CTNNA3: variants seen among roughly 807,000 people sequenced by gnomAD.
CTNNA3 encodes the protein catenin alpha 3, also known as catenin alpha-3.
In CTNNA3, 76 loss-of-function variants were observed where a neutral mutation model predicts 95.7. The ratio of observed to expected loss-of-function variants is 0.79; its 90% CI spans 0.66 to 0.96. The LOEUF is 0.96. CTNNA3 is among the 40% of genes least tolerant of loss of function. The pLI is 0.00. For missense variants in CTNNA3, 1,191 were observed against 1,089.8 expected, an observed-to-expected ratio of 1.09 and a Z score of -1.31; for synonymous variants, 431 against 374.4, an observed-to-expected ratio of 1.15 and a Z score of -1.74.
chr10:66,691,593 CT>C (rs1291078484), intron 9 of CTNNA3, among the ~76,000 whole-genome samples: 1 of 152,202 alleles, frequency 6.6e-6, no homozygotes. Context: ...TCTCTGACAG[CT>C]CTGAAGAGAG....
intron 9 of CTNNA3, among the ~76,000 whole-genome samples, chr10:66,672,499 G>A (rs1344834805): frequency 8.6e-5 from 13 of 152,044 alleles, no homozygotes; most frequent in Admixed American, 6.6e-4. Context: ...CGAAGTTGAG[G>A]TGCTATCAAT....
At position 67,018,010 on chromosome 10, in the gene CTNNA3, G is replaced by A. The variant is rs1210265077; in HGVS notation, c.1047+162307C>T. Among the ~76,000 whole-genome samples, 10 of 152,088 alleles carry A rather than the reference G, an allele frequency of 6.6e-5. No individual in the cohort carries two copies. The East Asian group carries it at 1.5e-3, about 23-fold the overall frequency. ...TGGTCTCAAACTCCTGACCTCAAGT[G>A]ATCTGCCCACCTTGGCCTCCCAATG... On this transcript the variant is annotated intron_variant, in intron 7 of 17. Transcript: ENST00000433211.
At position 65,995,959 on chromosome 10, in the gene CTNNA3, C is replaced by T. The variant is rs934675976; in HGVS notation, c.2160-7162G>A. Among the ~76,000 whole-genome samples, 6 of 152,078 alleles carry T rather than the reference C, an allele frequency of 3.9e-5. No homozygotes were observed. In the East Asian group the frequency reaches 5.8e-4, roughly 15 times the overall value. ...TGTGCACACAGGTACAGGCTGTGAT[C>T]GGCAGGCCAGGGTGAAACCTAGGCT... On this transcript the variant is annotated intron_variant, in intron 15 of 17. Coordinates refer to ENST00000433211, the MANE Select transcript of CTNNA3 (RefSeq NM_013266.4).
chr10:66,992,624 T>TCCAAGG (rs1249953310), intron 7 of CTNNA3, among the ~76,000 whole-genome samples: 1 of 152,120 alleles, frequency 6.6e-6, no homozygotes, highest in African/African-American at 2.4e-5. Flanking sequence ...TGGATGAAAA[T>TCCAAGG]GTTTTATCCC....
Position 66,905,256 on chromosome 10 carries a change from A to T in CTNNA3, c.1048-129732T>A, listed in dbSNP as rs7918371. 2.0e-5 allele frequency among the ~76,000 whole-genome samples: 3 copies of T among 151,992 alleles called. No homozygotes were observed. In the East Asian group the frequency reaches 5.8e-4, roughly 29 times the overall value. On this transcript the variant is annotated intron_variant, in intron 7 of 17. Coordinates refer to ENST00000433211, the MANE Select transcript of CTNNA3 (RefSeq NM_013266.4). Reference sequence around the variant, plus strand: ...GATGCTGGAAACCATCATTCTCAGCAAACTATCACAAGGACAGAAAACCAA... The same window carrying T: ...GATGCTGGAAACCATCATTCTCAGCTAACTATCACAAGGACAGAAAACCAA...
chr10:66,429,484 G>A (rs1177193155), intron 11 of CTNNA3, among the ~76,000 whole-genome samples: 5 of 152,074 alleles, frequency 3.3e-5, no homozygotes, highest in East Asian at 1.9e-4. Flanking sequence ...CCTGATGAAC[G>A]TCAATGCAAA....
chr10:67,450,762 C>T (rs1846949588), intron 5 of CTNNA3, among the ~76,000 whole-genome samples: 1 of 151,666 alleles, frequency 6.6e-6, no homozygotes, highest in South Asian at 2.1e-4. Context: ...AAAACCTGCA[C>T]ATGTACGCTG....
chr10:67,018,111 A>G (rs188078976), intron 7 of CTNNA3, among the ~76,000 whole-genome samples: 189 of 152,306 alleles, frequency 1.2e-3, no homozygotes, highest in African/African-American at 3.9e-3. Context: ...CTTAAAATAT[A>G]TAAATGTTAA....
At chr10:66,365,767 T>G (rs2132445363) in intron 12 of CTNNA3, among the ~76,000 whole-genome samples, 1 of 117,906 alleles carries the variant, frequency 8.5e-6, no homozygotes, top group East Asian at 2.0e-4. Context: ...GCTCTCTCTC[T>G]CTCTCTCTCT....
At chr10:66,043,940 A>C (rs1156526965) in intron 15 of CTNNA3, among the ~76,000 whole-genome samples, 1 of 150,722 alleles carries the variant, frequency 6.6e-6, no homozygotes. Flanking sequence ...GTGCCTAAAA[A>C]TGTAATAGGA....
At chr10:67,523,357 G>A (rs1229239660) in intron 4 of CTNNA3, among the ~76,000 whole-genome samples, 1 of 152,154 alleles carries the variant, frequency 6.6e-6, no homozygotes, top group African/African-American at 2.4e-5. Context: ...TGCCCACTCA[G>A]CCCCAGGTAC....
chr10:67,702,389 C>T, intron 1 of CTNNA3, among the ~76,000 whole-genome samples: 1 of 152,154 alleles, frequency 6.6e-6, no homozygotes. Flanking sequence ...AAGCTCTCCT[C>T]AGCAAATGTA....
At chr10:65,977,991 C>T (rs2078239608) in intron 16 of CTNNA3, among the ~76,000 whole-genome samples, 1 of 152,050 alleles carries the variant, frequency 6.6e-6, no homozygotes, top group Non-Finnish European at 1.5e-5. Context: ...CTCATTTCTT[C>T]ACCTGTAATG....
intron 1 of CTNNA3, among the ~76,000 whole-genome samples, chr10:67,724,741 C>G (rs1169286338): frequency 6.6e-6 from 1 of 152,170 alleles, no homozygotes; most frequent in East Asian, 1.9e-4. Flanking sequence ...AGTATATTTT[C>G]CAAGTTTTAC....
chr10:66,097,407 A>G lies in CTNNA3; in HGVS notation c.1977+5750T>C, dbSNP rs1354105890. ...ATTTATTGTTCACTTCCTATGTGCC[A>G]GAAACCAAACAAGAATTTTCACATA... On this transcript the variant is annotated intron_variant, in intron 14 of 17. Transcript: ENST00000433211. Among the ~76,000 whole-genome samples the G allele has an allele frequency of 3.9e-5, 6 of 152,210 alleles. No homozygotes were observed. The East Asian group carries it at 1.2e-3, about 29-fold the overall frequency.
intron 8 of CTNNA3, among the ~76,000 whole-genome samples, chr10:66,772,462 A>G (rs7072254): frequency 0.85 from 128,006 of 149,774 alleles, 55,072 homozygotes; most frequent in East Asian, 1. Context: ...AGAAAAGAAA[A>G]CAGGTTAATG....
chr10:65,930,486 A>C (rs951497433), intron 17 of CTNNA3, among the ~76,000 whole-genome samples: 2 of 152,192 alleles, frequency 1.3e-5, no homozygotes, highest in African/African-American at 4.8e-5. Context: ...GTAAGTAGTC[A>C]AAACATCTTG....
At chr10:65,968,635 G>A (rs997861321) in intron 16 of CTNNA3, among the ~76,000 whole-genome samples, 1 of 152,082 alleles carries the variant, frequency 6.6e-6, no homozygotes, top group African/African-American at 2.4e-5. Context: ...CAAAGTACAT[G>A]TTTGCTCAGA....
intron 6 of CTNNA3, among the ~76,000 whole-genome samples, chr10:67,182,803 A>AAT: frequency 6.6e-6 from 1 of 152,220 alleles, no homozygotes; most frequent in East Asian, 1.9e-4. Flanking sequence ...ACAAAGGGCT[A>AAT]ATATCCAGAA....
Sources: allele counts gnomAD v4.1 joint callset (sites outside exome capture counted in the v4.1 genomes callset), GRCh38; gene constraint gnomAD v4.1.1; transcripts MANE v1.5; gene names NCBI Gene and HGNC (gene_info 2026-07-23, HGNC 2026-07-21).